Variants in TP53BP1 observed in about 807,000 individuals in gnomAD.
The protein encoded by TP53BP1 is tumor protein p53 binding protein 1.
TP53BP1 carries 61 observed loss-of-function variants against 200.8 expected under a neutral mutation model. The observed-to-expected ratio is 0.30, with a 90% CI of 0.25 to 0.38. The LOEUF (loss-of-function observed/expected upper bound fraction) is 0.38, where lower values mean the gene tolerates loss of function less well. Among genes scored for constraint, TP53BP1 ranks in the 10% least tolerant of loss-of-function variants. The pLI is 1.00. For missense variants in TP53BP1, 2,144 were observed against 2,371.9 expected (o/e 0.90, Z 2.00); for synonymous variants, 822 against 844.3 (o/e 0.97, Z 0.46).
rs116252997 is a variant in TP53BP1 at position 43,475,565 on chromosome 15, G to A, written c.1085C>T (p.Thr362Met). Residue 362 changes from threonine to methionine, a missense_variant and splice_region_variant, in exon 9 of 28, where the codon ACG (threonine) becomes ATG (methionine). This residue lies in a region of TP53BP1 where 1,700 missense variants were observed against 1,710.3 expected (regional missense o/e 0.99). Coordinates refer to ENST00000382044, the MANE Select transcript of TP53BP1 (RefSeq NM_001141980.3). ...QRSLVQDSLS[T>M]NSSDLVAPSP... is the part of the protein sequence containing the mutation. ...CATAAGCTATTTTAGGCTTACTTAC[G>A]TGGAAAGACTGTCCTGAACAAGGGA... 359 of 1,614,016 alleles carry A rather than the reference G, an allele frequency of 2.2e-4. 1 individual carries two copies. In the African/African-American group the frequency reaches 4.1e-3, roughly 19 times the overall value.
chr15:43,471,960 C>T (rs2046736532), intron 10 of TP53BP1, among the ~76,000 whole-genome samples: 1 of 152,168 alleles, frequency 6.6e-6, no homozygotes, highest in Non-Finnish European at 1.5e-5. Flanking sequence ...TTAAGAGAAA[C>T]AGCCAGAGAC....
At chr15:43,427,042 T>C (rs924294762) in intron 18 of TP53BP1, among the ~76,000 whole-genome samples, 4 of 126,984 alleles carry the variant, frequency 3.1e-5, no homozygotes, top group South Asian at 2.4e-4. Context: ...AAAAAGAAAA[T>C]AGCTGTGCCT....
Position 43,407,297 on chromosome 15 carries a change from C to A in TP53BP1, c.*86G>T, listed in dbSNP as rs2044933667. The A allele has an allele frequency of 3.5e-6, 4 of 1,132,042 alleles. No homozygotes were observed. In the South Asian group the frequency reaches 5.8e-5, roughly 16 times the overall value. The allele number at this position is 1,132,042 out of a possible 1,614,324, so 70.1% of individuals were successfully genotyped here. On this transcript the variant is annotated 3_prime_UTR_variant, in exon 28 of 28. Coordinates refer to ENST00000382044, the MANE Select transcript of TP53BP1 (RefSeq NM_001141980.3). ...TATATACAAGATCCATGCAAGGAAT[C>A]CAGTTACACACAAGACACATTTAAA...
chr15:43,412,186 A>G (rs779895807), intron 24 of TP53BP1, among the ~76,000 whole-genome samples: 16 of 152,202 alleles, frequency 1.1e-4, no homozygotes, highest in Admixed American at 8.5e-4. Flanking sequence ...GTCCTTGTAC[A>G]TATCTACACA....
In TP53BP1 at chr15:43,403,349, A is replaced by G. The variant is rs1485092556; in HGVS notation, c.*4034T>C. 1.0e-5 allele frequency: 2 copies of G among 192,336 alleles called. No individual in the cohort carries two copies. The highest frequency in any genetic ancestry group is 4.7e-5 in the African/African-American group (2 of 42,812). 11.9% of individuals were successfully genotyped at this position (192,336 alleles called of 1,614,324 possible). On this transcript the variant is annotated 3_prime_UTR_variant, in exon 28 of 28. Transcript: ENST00000382044. ...GGGACTTGAACTGGTATTAAAAACA[A>G]GAGCATCCCGGGCAAAGGGAACAAC...
At chr15:43,471,327 A>AT in intron 10 of TP53BP1, among the ~76,000 whole-genome samples, 1 of 152,254 alleles carries the variant, frequency 6.6e-6, no homozygotes, top group African/African-American at 2.4e-5. Context: ...AGTTGTAGCT[A>AT]TATCTGGAGT....
At chr15:43,453,111 A>G (rs1024524339) in intron 12 of TP53BP1, among the ~76,000 whole-genome samples, 15 of 146,458 alleles carry the variant, frequency 1.0e-4, no homozygotes, top group African/African-American at 3.8e-4. Flanking sequence ...GGAGAATGGC[A>G]TGAACCCAAG....
intron 10 of TP53BP1, among the ~76,000 whole-genome samples, chr15:43,473,870 C>T (rs948598675): frequency 9.2e-5 from 14 of 152,360 alleles, no homozygotes; most frequent in African/African-American, 3.1e-4. Flanking sequence ...TGCCGTGCTC[C>T]TGCACTCCTC....
At chr15:43,425,591 G>T (rs915841462) in intron 18 of TP53BP1, among the ~76,000 whole-genome samples, 40 of 152,110 alleles carry the variant, frequency 2.6e-4, no homozygotes, top group African/African-American at 9.4e-4. Context: ...CTGCACTCCA[G>T]CCTGGGCAAA....
At chr15:43,474,336 C>T (rs1000051278) in intron 10 of TP53BP1, among the ~76,000 whole-genome samples, 7 of 151,436 alleles carry the variant, frequency 4.6e-5, no homozygotes, top group Non-Finnish European at 8.8e-5. Context: ...CACAGTGCAG[C>T]GGTGGGCTGA....
intron 11 of TP53BP1, among the ~76,000 whole-genome samples, chr15:43,457,539 G>T (rs1273447970): frequency 2.0e-5 from 3 of 151,824 alleles, no homozygotes; most frequent in African/African-American, 7.3e-5. Flanking sequence ...AGGCGTGGTG[G>T]TGGGCACCTG....
In TP53BP1 at chr15:43,406,521, C is replaced by G; in HGVS notation, c.*862G>C. 2.2e-6 allele frequency: 1 copy of G among 449,522 alleles called. No homozygotes were observed. Among genetic ancestry groups the G allele is most frequent in the Non-Finnish European group, 4.5e-6 (1 of 224,494 alleles). The allele number at this position is 449,522 out of a possible 1,614,324, so 27.8% of individuals were successfully genotyped here. A position where few individuals can be genotyped will look rare whatever the true frequency, so the allele number is the denominator to read the frequency against. On this transcript the variant is annotated 3_prime_UTR_variant, in exon 28 of 28. Transcript: ENST00000382044. ...CTCATTGTCTATGGTTGCTTTCATG[C>G]CCTCACAGCAAAGGCGAGTAGTTGT...
At chr15:43,408,562 C>T in intron 26 of TP53BP1, 1 of 318,852 alleles carries the variant, frequency 3.1e-6, no homozygotes, top group South Asian at 3.9e-5. Context: ...TCCTGGCTTT[C>T]TAATTTCCAT....
chr15:43,451,409 C>G (rs2046166743), intron 12 of TP53BP1, among the ~76,000 whole-genome samples: 1 of 151,636 alleles, frequency 6.6e-6, no homozygotes, highest in South Asian at 2.1e-4. Context: ...TGTTCTATTC[C>G]CATCTATGAG....
rs1183303409 is a variant in TP53BP1, at chr15:43,406,085, A to AG, written c.*1297dup. ...AAAAAAGTATTATTCTCCAAGAAAA[A>AG]GGTCCTTAAGAAAAAATTGAGATCA... is the stretch of plus-strand genomic sequence containing the variant. On this transcript the variant is annotated 3_prime_UTR_variant, in exon 28 of 28. Coordinates refer to ENST00000382044, the MANE Select transcript of TP53BP1 (RefSeq NM_001141980.3). 6.6e-6 allele frequency: 1 copy of AG among 151,484 alleles called. No homozygotes were observed. Among genetic ancestry groups the AG allele is most frequent in the Non-Finnish European group, 1.5e-5 (1 of 67,936 alleles). 9.4% of individuals were successfully genotyped at this position (151,484 alleles called of 1,614,324 possible). A position where few individuals can be genotyped will look rare whatever the true frequency, so the allele number is the denominator to read the frequency against.
At position 43,469,928 on chromosome 15, in the gene TP53BP1, G is replaced by C. The variant is rs2046682934; in HGVS notation, c.1319C>G (p.Pro440Arg). The change falls in exon 11 of 28, where the codon CCA becomes CGA. Residue 440 changes from proline (P) to arginine (R), a missense_variant. Transcript: ENST00000382044. Reference protein sequence around the residue: ...ESTVSPQASTPISQSTPVFPP... With the variant: ...ESTVSPQASTRISQSTPVFPP... ...GAAGACTGGTGTGCTCTGAGATATT[G>C]GTGTTGAGGCTTGTGGTGATACAGT... 1 of 1,613,966 alleles carries C rather than the reference G, an allele frequency of 6.2e-7. No homozygotes were observed.
chr15:43,420,203 A>G (rs1247494555), intron 21 of TP53BP1, 102 bp downstream of exon 21: 4 of 1,152,980 alleles, frequency 3.5e-6, no homozygotes, highest in Admixed American at 2.3e-5. Flanking sequence ...CTTTAGAGAC[A>G]CTGGAAAAGT....
chr15:43,410,047 CA>C (rs1272101655), intron 24 of TP53BP1, among the ~76,000 whole-genome samples: 1 of 152,206 alleles, frequency 6.6e-6, no homozygotes, highest in Non-Finnish European at 1.5e-5. Context: ...TCATTTCCCA[CA>C]GTGACATATT....
intron 26 of TP53BP1, 70 bp downstream of exon 26, chr15:43,408,827 T>C (rs528140607): frequency 6.7e-7 from 1 of 1,490,704 alleles, no homozygotes; most frequent in Non-Finnish European, 9.3e-7. Context: ...CTCTCTCACC[T>C]AGATTCTCTT....
Sources: allele counts gnomAD v4.1 joint callset (sites outside exome capture counted in the v4.1 genomes callset), GRCh38; gene constraint gnomAD v4.1.1; regional missense constraint gnomAD v4.1.1; transcripts MANE v1.5; gene names NCBI Gene and HGNC (gene_info 2026-07-23, HGNC 2026-07-21).